Variants in KCNIP4 observed in about 807,000 individuals in gnomAD.
KCNIP4 encodes the protein potassium voltage-gated channel interacting protein 4, also known as Kv channel-interacting protein 4.
KCNIP4 carries 12 observed loss-of-function variants against 34.0 expected under a neutral mutation model. The observed-to-expected ratio is 0.35, with a 90% CI of 0.23 to 0.57. The LOEUF is 0.57. KCNIP4 is among the 20% of genes least tolerant of loss of function. The probability of loss-of-function intolerance (pLI) is 0.83; values close to 1 mark genes in which losing one functional copy is unlikely to be tolerated. For missense variants in KCNIP4, 238 were observed against 311.7 expected (o/e 0.76, Z 1.78); for synonymous variants, 124 against 102.2 (o/e 1.21, Z -1.29).
intron 1 of KCNIP4, among the ~76,000 whole-genome samples, chr4:21,898,320 G>A (rs1036685102): frequency 2.6e-5 from 4 of 152,132 alleles, no homozygotes; most frequent in African/African-American, 9.7e-5. Context: ...CCAAGGGAAT[G>A]ATTGCATCAT....
chr4:21,237,100 A>T (rs1395611365), intron 1 of KCNIP4, among the ~76,000 whole-genome samples: 2 of 152,150 alleles, frequency 1.3e-5, no homozygotes, highest in African/African-American at 4.8e-5. Context: ...AAACCACAGA[A>T]ATGAACATAA....
chr4:21,107,309 T>C (rs1748652224), intron 1 of KCNIP4, among the ~76,000 whole-genome samples: 4 of 141,768 alleles, frequency 2.8e-5, no homozygotes, highest in Admixed American at 2.8e-4. Context: ...ATATTTAGGA[T>C]AGTTAGCTCT....
At chr4:21,752,954 C>T (rs969453857) in intron 1 of KCNIP4, among the ~76,000 whole-genome samples, 1 of 152,150 alleles carries the variant, frequency 6.6e-6, no homozygotes, top group African/African-American at 2.4e-5. Flanking sequence ...ATATTGAATA[C>T]TTTATTGACC....
intron 1 of KCNIP4, among the ~76,000 whole-genome samples, chr4:21,797,445 A>G (rs1157568532): frequency 6.6e-6 from 1 of 150,694 alleles, no homozygotes; most frequent in Non-Finnish European, 1.5e-5. Flanking sequence ...ATGCCTGGCC[A>G]CCTCATTCTT....
At chr4:21,235,612 C>G (rs898801407) in intron 1 of KCNIP4, among the ~76,000 whole-genome samples, 1 of 152,026 alleles carries the variant, frequency 6.6e-6, no homozygotes, top group Non-Finnish European at 1.5e-5. Context: ...ATTTACCATG[C>G]TATATTTCTC....
At chr4:20,737,704 A>G (rs932195939) in intron 5 of KCNIP4, among the ~76,000 whole-genome samples, 2 of 152,240 alleles carry the variant, frequency 1.3e-5, no homozygotes, top group African/African-American at 2.4e-5. Flanking sequence ...AAGCAGTAAG[A>G]TGACATGCAA....
chr4:21,567,370 T>C (rs920952344), intron 1 of KCNIP4, among the ~76,000 whole-genome samples: 2 of 152,060 alleles, frequency 1.3e-5, no homozygotes, highest in Non-Finnish European at 2.9e-5. Context: ...GACCTCTTTA[T>C]AGGGGTCTAG....
At chr4:21,277,775 G>A (rs1322455698) in intron 1 of KCNIP4, among the ~76,000 whole-genome samples, 1 of 152,148 alleles carries the variant, frequency 6.6e-6, no homozygotes, top group Non-Finnish European at 1.5e-5. Flanking sequence ...ATTCGCCAGA[G>A]TTGAAGCATT....
At chr4:21,064,700 T>C (rs1344345957) in intron 1 of KCNIP4, among the ~76,000 whole-genome samples, 1 of 152,174 alleles carries the variant, frequency 6.6e-6, no homozygotes. Flanking sequence ...AATAATTACT[T>C]ATTGAGTGCT....
intron 1 of KCNIP4, among the ~76,000 whole-genome samples, chr4:21,218,433 T>C (rs1169465593): frequency 6.6e-6 from 1 of 152,168 alleles, no homozygotes; most frequent in Non-Finnish European, 1.5e-5. Context: ...ATAAGGAATT[T>C]ATTTGACATT....
chr4:20,787,759 A>G (rs903337538), intron 3 of KCNIP4, among the ~76,000 whole-genome samples: 4 of 152,084 alleles, frequency 2.6e-5, no homozygotes, highest in African/African-American at 9.7e-5. Flanking sequence ...TAAATTTCCA[A>G]TGTTCAGGTT....
chr4:21,150,287 G>GGAGTGATAGAGTTGTGTGATTATGTGT, intron 1 of KCNIP4, among the ~76,000 whole-genome samples: 1 of 145,046 alleles, frequency 6.9e-6, no homozygotes, highest in African/African-American at 2.9e-5. Context: ...TGTTAATGAG[G>GGAGTGATAGAGTTGTGTGATTATGTGT]GTAATGCTTG....
intron 1 of KCNIP4, among the ~76,000 whole-genome samples, chr4:20,940,236 G>T (rs1196653542): frequency 6.6e-6 from 1 of 152,110 alleles, no homozygotes; most frequent in East Asian, 1.9e-4. Flanking sequence ...TTCCCTTCTT[G>T]CATTAGATGC....
At chr4:21,238,341 A>G (rs1055723066) in intron 1 of KCNIP4, among the ~76,000 whole-genome samples, 2 of 152,158 alleles carry the variant, frequency 1.3e-5, no homozygotes, top group Non-Finnish European at 2.9e-5. Context: ...GCCCTCTCTC[A>G]CCACTCCTAT....
chr4:21,477,450 C>T lies in KCNIP4; in HGVS notation c.61+471121G>A, dbSNP rs559526520. ...TTCTGGATTCTGAAGTTAAAAATAG[C>T]CAGTTTCTCAGTAGAACACCCTAGT... On this transcript the variant is annotated intron_variant, in intron 1 of 8. Coordinates refer to ENST00000382152, the MANE Select transcript of KCNIP4 (RefSeq NM_025221.6). Among the ~76,000 whole-genome samples the T allele has an allele frequency of 9.9e-5, 15 of 152,204 alleles. No homozygotes were observed. In the South Asian group the frequency reaches 1.0e-3, roughly 11 times the overall value.
chr4:21,545,060 T>A (rs147473729), intron 1 of KCNIP4, among the ~76,000 whole-genome samples: 52 of 152,148 alleles, frequency 3.4e-4, no homozygotes, highest in African/African-American at 1.3e-3. Flanking sequence ...AAGATATACA[T>A]CAAAACCCAC....
At chr4:21,075,646 G>T (rs1471744378) in intron 1 of KCNIP4, among the ~76,000 whole-genome samples, 1 of 152,116 alleles carries the variant, frequency 6.6e-6, no homozygotes, top group African/African-American at 2.4e-5. Context: ...TACATTTAAG[G>T]TTAATATTGT....
intron 1 of KCNIP4, among the ~76,000 whole-genome samples, chr4:21,830,053 C>A (rs1047212469): frequency 2.0e-5 from 3 of 151,890 alleles, no homozygotes; most frequent in Non-Finnish European, 4.4e-5. Context: ...CATAAAGTAG[C>A]CGAAGGAATA....
intron 1 of KCNIP4, among the ~76,000 whole-genome samples, chr4:21,368,126 A>G (rs1464721170): frequency 2.0e-5 from 3 of 146,926 alleles, no homozygotes; most frequent in African/African-American, 8.2e-5. Flanking sequence ...TTAGTTGGGG[A>G]GTCTCTACAA....
Sources: gnomAD v4.1 joint callset for allele counts (sites outside exome capture counted in the v4.1 genomes callset) on GRCh38, gnomAD v4.1.1 for gene constraint, MANE v1.5 for transcripts, NCBI Gene and HGNC (gene_info 2026-07-23, HGNC 2026-07-21) for gene names.